LRRC28: variants seen among roughly 807,000 people sequenced by gnomAD.
LRRC28 encodes leucine-rich repeat-containing protein 28.
A neutral mutation model predicts 45.7 loss-of-function variants in LRRC28; 39 were observed. The ratio of observed to expected loss-of-function variants is 0.85; its 90% CI spans 0.66 to 1.12. The LOEUF (loss-of-function observed/expected upper bound fraction) is 1.12, where lower values mean the gene tolerates loss of function less well. Among genes scored for constraint, LRRC28 ranks in the 50% most tolerant of loss-of-function variants. The pLI is 0.00. For missense variants in LRRC28, 435 were observed against 438.5 expected (o/e 0.99, Z 0.07); for synonymous variants, 206 against 178.8 (o/e 1.15, Z -1.22).
At chr15:99,326,835 G>A (rs763134230) in intron 5 of LRRC28, among the ~76,000 whole-genome samples, 56 of 152,246 alleles carry the variant, frequency 3.7e-4, no homozygotes, top group Non-Finnish European at 6.6e-4. Context: ...GTTCATGAGG[G>A]ATATTGGTCT....
chr15:99,285,909 A>G (rs1386538555), intron 3 of LRRC28: 1 of 249,292 alleles, frequency 4.0e-6, no homozygotes, highest in Non-Finnish European at 8.1e-6. Flanking sequence ...GAAATGTATC[A>G]TAGAGTAAAT....
At chr15:99,360,052 AAAAC>A (rs1456960978) in intron 7 of LRRC28, among the ~76,000 whole-genome samples, 1 of 152,130 alleles carries the variant, frequency 6.6e-6, no homozygotes, top group Non-Finnish European at 1.5e-5. Context: ...TATTTGGTAA[AAAAC>A]AAAACAAAAC....
At chr15:99,314,438 T>C (rs888207623) in intron 5 of LRRC28, among the ~76,000 whole-genome samples, 1 of 69,216 alleles carries the variant, frequency 1.4e-5, no homozygotes, top group Non-Finnish European at 2.4e-5. Flanking sequence ...ACCTTGTCTC[T>C]AAATAAATAA....
intron 5 of LRRC28, among the ~76,000 whole-genome samples, chr15:99,322,728 C>G (rs1955842449): frequency 6.6e-6 from 1 of 152,182 alleles, no homozygotes; most frequent in South Asian, 2.1e-4. Flanking sequence ...CTAGTTTATT[C>G]TTTCAGCAAG....
At chr15:99,340,780 A>C (rs538488279) in intron 6 of LRRC28, among the ~76,000 whole-genome samples, 2 of 152,178 alleles carry the variant, frequency 1.3e-5, no homozygotes, top group Non-Finnish European at 2.9e-5. Context: ...GGGCCCAAAC[A>C]TGTGACAAAA....
rs28520505 is a variant in LRRC28 at position 99,334,928 on chromosome 15, G to A, written c.592+799G>A. ...AGTCCCTAAAGGAAATATTTTCCAA[G>A]ATAATACAATGCACATATTATTTTC... is the stretch of plus-strand genomic sequence containing the variant. On this transcript the variant is annotated intron_variant, in intron 6 of 9. Coordinates refer to ENST00000301981, the MANE Select transcript of LRRC28 (RefSeq NM_144598.5). Among the ~76,000 whole-genome samples, 25 of 151,970 alleles carry A rather than the reference G, an allele frequency of 1.6e-4. 1 individual carries two copies. The South Asian group carries it at 4.1e-3, about 25-fold the overall frequency.
intron 9 of LRRC28, among the ~76,000 whole-genome samples, chr15:99,377,093 A>G (rs1269327410): frequency 6.6e-6 from 1 of 152,036 alleles, no homozygotes; most frequent in East Asian, 1.9e-4. Flanking sequence ...TGGTATTTCT[A>G]GTTCTAGATC....
chr15:99,370,807 C>T (rs1426899439), intron 9 of LRRC28, among the ~76,000 whole-genome samples: 2 of 152,094 alleles, frequency 1.3e-5, no homozygotes, highest in Non-Finnish European at 2.9e-5. Context: ...ATAGTAAATA[C>T]ATGCACATAC....
chr15:99,317,020 G>T (rs553035138), intron 5 of LRRC28, among the ~76,000 whole-genome samples: 4 of 150,666 alleles, frequency 2.7e-5, no homozygotes, highest in Admixed American at 6.6e-5. Context: ...TTTTTGGAGA[G>T]GTGGGGAAGG....
Position 99,363,113 on chromosome 15 carries a change from C to G in LRRC28, c.879C>G (p.Asn293Lys). Residue 293 changes from asparagine to lysine, a missense_variant, in exon 9 of 10, where the codon AAC (asparagine) becomes AAG (lysine). Coordinates refer to ENST00000301981, the MANE Select transcript of LRRC28 (RefSeq NM_144598.5). ...HTYHSLLKDL[N>K]FLSPISLPRS... is the part of the protein sequence containing the mutation. ...TTTTCTTTTGTGTTCCAGATTTGAA[C>G]TTTCTGTCTCCAATCTCATTACCCA... The G allele has an allele frequency of 1.9e-6, 3 of 1,605,822 alleles. No homozygotes were observed. The South Asian group carries it at 3.3e-5, about 18-fold the overall frequency.
chr15:99,386,969 G>A lies in LRRC28; in HGVS notation c.*867G>A, dbSNP rs367650849. On this transcript the variant is annotated 3_prime_UTR_variant, in exon 10 of 10. Transcript: ENST00000301981. ...AAACACACATTGAAATAAGACCTCC[G>A]TGTTCTTTTTTGATGGGTTTATGAT... The A allele has an allele frequency of 1.1e-4, 16 of 152,162 alleles. No individual in the cohort carries two copies. The South Asian group carries it at 1.7e-3, about 16-fold the overall frequency. 9.4% of individuals were successfully genotyped at this position (152,162 alleles called of 1,614,324 possible). A position where few individuals can be genotyped will look rare whatever the true frequency, so the allele number is the denominator to read the frequency against.
chr15:99,353,427 G>A (rs939390463), intron 7 of LRRC28, among the ~76,000 whole-genome samples: 47 of 152,166 alleles, frequency 3.1e-4, no homozygotes, highest in Non-Finnish European at 2.1e-4. Flanking sequence ...CTTCTTTTAG[G>A]AAAACTTATG....
At position 99,390,412 on chromosome 15, in the gene LRRC28, G is replaced by A. The variant is rs1444419904; in HGVS notation, c.*4310G>A. The A allele has an allele frequency of 7.7e-6, 1 of 130,648 alleles. No homozygotes were observed. Among genetic ancestry groups the A allele is most frequent in the Non-Finnish European group, 1.6e-5 (1 of 64,504 alleles). The allele number at this position is 130,648 out of a possible 1,614,324, so 8.1% of individuals were successfully genotyped here. On this transcript the variant is annotated 3_prime_UTR_variant, in exon 10 of 10. Transcript: ENST00000301981. ...GTATGTAATTAAGAGACTTTCAAGG[G>A]TTAGCCAGACTTTTTTCCACTCAAG...
intron 6 of LRRC28, among the ~76,000 whole-genome samples, chr15:99,337,350 T>C (rs1330021621): frequency 6.6e-6 from 1 of 152,262 alleles, no homozygotes; most frequent in African/African-American, 2.4e-5. Context: ...AGGACCTGAC[T>C]TGCAGTGGCT....
rs914251973 is a variant in LRRC28, at chr15:99,291,212, C to T, written c.385+3261C>T. ...TATCTCACCTGTTACACAAGAAATT[C>T]GAGGCATATACTTGTGATTTTATTT... is the stretch of plus-strand genomic sequence containing the variant. On this transcript the variant is annotated intron_variant, in intron 5 of 9. Transcript: ENST00000301981. Among the ~76,000 whole-genome samples the T allele has an allele frequency of 2.0e-5, 3 of 152,056 alleles. No individual in the cohort carries two copies. In the East Asian group the frequency reaches 5.8e-4, roughly 29 times the overall value.
rs1445669194 is a variant in LRRC28, at chr15:99,361,346, C to G, written c.706C>G (p.Pro236Ala). The change falls in exon 8 of 10, where the codon CCC (proline) becomes GCC (alanine). Residue 236 changes from proline to alanine, a missense_variant. Coordinates refer to ENST00000301981, the MANE Select transcript of LRRC28 (RefSeq NM_144598.5). ...KVIGCSGCGA[P>A]IQVSEVKLLS... ...TGTGTCTTTCTGCAGCTGTGGTGCT[C>G]CCATTCAAGTTTCCGAGGTGAAGCT... is the stretch of plus-strand genomic sequence containing the variant. The G allele has an allele frequency of 6.2e-7, 1 of 1,612,424 alleles. No individual in the cohort carries two copies. The highest frequency in any genetic ancestry group is 8.5e-7 in the Non-Finnish European group (1 of 1,179,438).
intron 3 of LRRC28, among the ~76,000 whole-genome samples, chr15:99,277,144 T>C (rs2081639195): frequency 6.6e-6 from 1 of 152,162 alleles, no homozygotes; most frequent in South Asian, 2.1e-4. Context: ...AAGACAAATT[T>C]AGATATCTTA....
At chr15:99,355,742 A>G (rs537347668) in intron 7 of LRRC28, 2 of 151,428 alleles carry the variant, frequency 1.3e-5, no homozygotes, top group African/African-American at 4.9e-5. Flanking sequence ...TATGTAAGAA[A>G]AAAAAAAAAA....
chr15:99,255,581 G>T (rs1269697068), intron 1 of LRRC28, among the ~76,000 whole-genome samples: 1 of 152,028 alleles, frequency 6.6e-6, no homozygotes, highest in Non-Finnish European at 1.5e-5. Flanking sequence ...TTCTCCTTTG[G>T]TTGTATGTTA....
Sources: gnomAD v4.1 joint callset for allele counts (sites outside exome capture counted in the v4.1 genomes callset) on GRCh38, gnomAD v4.1.1 for gene constraint, MANE v1.5 for transcripts, NCBI Gene and HGNC (gene_info 2026-07-23, HGNC 2026-07-21) for gene names.